Variants in CALN1 observed in about 807,000 individuals in gnomAD.
CALN1 encodes calcium-binding protein 8.
A neutral mutation model predicts 30.6 loss-of-function variants in CALN1; 17 were observed. The ratio of observed to expected loss-of-function variants is 0.56; its 90% confidence interval spans 0.38 to 0.83. The LOEUF is 0.83. Among genes scored for constraint, CALN1 ranks in the 40% least tolerant of loss-of-function variants. The pLI, the probability that CALN1 is intolerant of heterozygous loss-of-function variation, is 0.00. For synonymous variants in CALN1, 156 were observed against 131.4 expected, an observed-to-expected ratio of 1.19 and a Z score of -1.28; for missense variants, 291 against 354.9, an observed-to-expected ratio of 0.82 and a Z score of 1.45.
intron 4 of CALN1, among the ~76,000 whole-genome samples, chr7:72,032,108 G>C (rs929493036): frequency 4.4e-5 from 6 of 135,536 alleles, no homozygotes; most frequent in African/African-American, 1.7e-4. Flanking sequence ...ACCCAGGCTG[G>C]AGTGCAGTGG....
At position 71,782,493 on chromosome 7, in the gene CALN1, AC is replaced by A. The variant is rs1430414685; in HGVS notation, c.*5281del. On this transcript the variant is annotated 3_prime_UTR_variant, in exon 7 of 7. Coordinates refer to ENST00000395275, the MANE Select transcript of CALN1 (RefSeq NM_031468.4). Reference sequence around the variant, plus strand: ...AATAAACCTCTTTTCTTTATAAATTACCCAGTGTTAAGGTATTCCTTTATAG... The same window carrying A: ...AATAAACCTCTTTTCTTTATAAATTACCAGTGTTAAGGTATTCCTTTATAG... The A allele has an allele frequency of 1.3e-5, 2 of 152,182 alleles. No individual in the cohort carries two copies. Among genetic ancestry groups the A allele is most frequent in the Non-Finnish European group, 2.9e-5 (2 of 68,074 alleles). The allele number at this position is 152,182 out of a possible 1,614,324, so 9.4% of individuals were successfully genotyped here.
intron 5 of CALN1, among the ~76,000 whole-genome samples, chr7:71,932,092 C>T (rs183059839): frequency 3.2e-4 from 49 of 152,266 alleles, no homozygotes; most frequent in African/African-American, 1.2e-3. Context: ...TGGAGGTAGC[C>T]GCCTTGGAGT....
At chr7:72,152,653 C>T (rs1287591443) in intron 3 of CALN1, among the ~76,000 whole-genome samples, 1 of 152,294 alleles carries the variant, frequency 6.6e-6, no homozygotes, top group Non-Finnish European at 1.5e-5. Context: ...AGCTGGTGCA[C>T]ATTGCCCTCC....
At chr7:71,846,282 C>T (rs908735519) in intron 5 of CALN1, among the ~76,000 whole-genome samples, 3 of 152,102 alleles carry the variant, frequency 2.0e-5, no homozygotes, top group Admixed American at 6.5e-5. Context: ...TAATTGTTGC[C>T]GTTCTGATTC....
chr7:72,033,078 T>C (rs1801562819), intron 4 of CALN1, among the ~76,000 whole-genome samples: 1 of 152,196 alleles, frequency 6.6e-6, no homozygotes, highest in Admixed American at 6.5e-5. Flanking sequence ...CATTTTCCCT[T>C]CTCTAGCTTC....
chr7:72,098,541 A>G (rs759651271), intron 4 of CALN1, among the ~76,000 whole-genome samples: 9 of 151,898 alleles, frequency 5.9e-5, no homozygotes, highest in Non-Finnish European at 1.0e-4. Context: ...TCATCTCTGC[A>G]AAGAATAATA....
intron 5 of CALN1, among the ~76,000 whole-genome samples, chr7:71,822,104 T>C (rs1788628967): frequency 6.6e-6 from 1 of 152,172 alleles, no homozygotes; most frequent in South Asian, 2.1e-4. Flanking sequence ...ATGTTATATT[T>C]TAGAGATATG....
chr7:71,870,744 T>C (rs1791874688), intron 5 of CALN1, among the ~76,000 whole-genome samples: 2 of 152,222 alleles, frequency 1.3e-5, no homozygotes, highest in African/African-American at 2.4e-5. Flanking sequence ...TCAAGGATGA[T>C]GCTGATAAAA....
intron 3 of CALN1, among the ~76,000 whole-genome samples, chr7:72,118,869 T>C (rs1808181576): frequency 1.3e-5 from 2 of 152,158 alleles, no homozygotes; most frequent in South Asian, 2.1e-4. Flanking sequence ...TGCTAGGTCA[T>C]CAACAGCTGC....
rs1223218022 is a variant in CALN1 at position 72,213,398 on chromosome 7, T to TA, written c.244+65287dup. Among the ~76,000 whole-genome samples the TA allele has an allele frequency of 4.6e-5, 7 of 152,146 alleles. No individual in the cohort carries two copies. In the East Asian group the frequency reaches 1.4e-3, roughly 29 times the overall value. ...CTTTATGGGTCAGAGAAGGCACATC[T>TA]ACAGAAGCAGAAAATAGATTAGTGG... On this transcript the variant is annotated intron_variant, in intron 3 of 6. Transcript: ENST00000395275.
chr7:71,944,020 A>C (rs1186562822), intron 5 of CALN1, among the ~76,000 whole-genome samples: 1 of 152,208 alleles, frequency 6.6e-6, no homozygotes, highest in Non-Finnish European at 1.5e-5. Context: ...CATTCCCCAA[A>C]TCTGCAAGAG....
At chr7:72,109,614 T>C (rs1807417451) in intron 3 of CALN1, among the ~76,000 whole-genome samples, 1 of 152,238 alleles carries the variant, frequency 6.6e-6, no homozygotes, top group Non-Finnish European at 1.5e-5. Flanking sequence ...GCCATATGTT[T>C]TCCTACCAAG....
chr7:72,413,540 C>T (rs965920950), upstream of CALN1, among the ~76,000 whole-genome samples: 1 of 151,682 alleles, frequency 6.6e-6, no homozygotes, highest in African/African-American at 2.4e-5. Context: ...CGCACACTCA[C>T]AAGCTCATAC....
chr7:72,171,661 G>C (rs1208450929), intron 3 of CALN1, among the ~76,000 whole-genome samples: 3 of 152,112 alleles, frequency 2.0e-5, no homozygotes, highest in Non-Finnish European at 4.4e-5. Flanking sequence ...AAGTAGGAGA[G>C]GGGAGAAAAA....
chr7:72,016,126 G>A (rs1800366232), intron 5 of CALN1, among the ~76,000 whole-genome samples: 2 of 151,618 alleles, frequency 1.3e-5, no homozygotes, highest in Admixed American at 6.6e-5. Flanking sequence ...GTGGGCGTCT[G>A]TAATCCCAGC....
intron 4 of CALN1, among the ~76,000 whole-genome samples, chr7:72,036,128 T>C (rs944461432): frequency 6.6e-6 from 1 of 152,238 alleles, no homozygotes; most frequent in African/African-American, 2.4e-5. Flanking sequence ...CATTCTTGAT[T>C]GACAGGTATT....
chr7:72,399,331 C>T lies in CALN1; in HGVS notation c.119+3920G>A, dbSNP rs575396260. Among the ~76,000 whole-genome samples, 18 of 130,788 alleles carry T rather than the reference C, an allele frequency of 1.4e-4. No individual in the cohort carries two copies. The East Asian group carries it at 4.2e-3, about 30-fold the overall frequency. The allele number at this position is 130,788 out of a possible 152,430, so 85.8% of individuals were successfully genotyped here. A position where few individuals can be genotyped will look rare whatever the true frequency, so the allele number is the denominator to read the frequency against. On this transcript the variant is annotated intron_variant, in intron 2 of 6. Transcript: ENST00000395275. ...CTGTCACCAGGCTGGAGTGCAGTGG[C>T]GCGATCTTGGCTCACTGCAACATCC... is the stretch of plus-strand genomic sequence containing the variant.
chr7:72,143,466 G>C (rs1277054666), intron 3 of CALN1, among the ~76,000 whole-genome samples: 1 of 152,152 alleles, frequency 6.6e-6, no homozygotes, highest in African/African-American at 2.4e-5. Flanking sequence ...CAAAAAATAT[G>C]GGACTATGTG....
At chr7:71,813,474 T>C (rs888429562) in intron 5 of CALN1, among the ~76,000 whole-genome samples, 6 of 152,224 alleles carry the variant, frequency 3.9e-5, no homozygotes, top group Admixed American at 3.3e-4. Flanking sequence ...AGGAAGCCTG[T>C]TATTAAGTTT....
Sources: gnomAD v4.1 joint callset for allele counts (sites outside exome capture counted in the v4.1 genomes callset) on GRCh38, gnomAD v4.1.1 for gene constraint, MANE v1.5 for transcripts, NCBI Gene and HGNC (gene_info 2026-07-23, HGNC 2026-07-21) for gene names.